The following LOC114841035 variants were observed in gnomAD, a reference collection of about 807,000 sequenced individuals.
chr11:64,242,585 G>C, the LOC114841035 span: 1 of 1,524,954 alleles, frequency 6.6e-7, no homozygotes, highest in African/African-American at 1.4e-5. Context: ...GGCCTTTTGG[G>C]AGTGGGTGGG....
chr11:64,243,153 CAG>C, the LOC114841035 span: 1 of 1,553,960 alleles, frequency 6.4e-7, no homozygotes, highest in South Asian at 1.1e-5. Context: ...GAGGGGGTGT[CAG>C]GGGTGGTCCC....
chr11:64,243,718 C>T, the LOC114841035 span: 2 of 1,387,796 alleles, frequency 1.4e-6, no homozygotes, highest in Non-Finnish European at 2.0e-6. Context: ...GCACCCCCTT[C>T]CCATCTCCAT....
At chr11:64,243,784 C>T in the LOC114841035 span, 16 of 1,601,588 alleles carry the variant, frequency 1.0e-5, no homozygotes, top group Non-Finnish European at 1.4e-5. Context: ...TCTCCCTTTG[C>T]CCACACTGGA....
chr11:64,244,113 A>C, the LOC114841035 span: 1 of 1,462,696 alleles, frequency 6.8e-7, no homozygotes, highest in Non-Finnish European at 9.4e-7. Flanking sequence ...AAACAAACAA[A>C]AAAACACTTA....
the LOC114841035 span, chr11:64,243,448 C>T: frequency 6.2e-7 from 1 of 1,614,010 alleles, no homozygotes; most frequent in Non-Finnish European, 8.5e-7. Context: ...TGTCTTCCTG[C>T]AGGATGTGTG....
At chr11:64,243,168 C>G in the LOC114841035 span, 1 of 1,604,372 alleles carries the variant, frequency 6.2e-7, no homozygotes, top group African/African-American at 1.3e-5. Context: ...GTGGTCCCCT[C>G]TTCCTCACTG....
the LOC114841035 span, chr11:64,242,463 G>A: frequency 6.5e-7 from 1 of 1,548,912 alleles, no homozygotes; most frequent in Non-Finnish European, 8.7e-7. Flanking sequence ...CACGGGGGCC[G>A]AGGGCAAAAG....
the LOC114841035 span, chr11:64,241,114 C>A: frequency 1.3e-5 from 2 of 152,776 alleles, no homozygotes; most frequent in East Asian, 1.9e-4. Context: ...GGGGTTGACT[C>A]CGGGGGCGCG....
the LOC114841035 span, chr11:64,242,351 G>T: frequency 6.8e-7 from 1 of 1,472,996 alleles, no homozygotes; most frequent in Non-Finnish European, 9.0e-7. Context: ...CCTCCCCCAC[G>T]TTCAGTCGGT....
the LOC114841035 span, chr11:64,242,509 A>G: frequency 1.6e-5 from 25 of 1,554,884 alleles, no homozygotes; most frequent in Non-Finnish European, 2.1e-5. Context: ...CGGGTGGACC[A>G]CTGTCCCATC....
At chr11:64,244,076 CTG>C in the LOC114841035 span, 2 of 1,547,424 alleles carry the variant, frequency 1.3e-6, no homozygotes, top group Non-Finnish European at 1.8e-6. Flanking sequence ...AGGGACCAGA[CTG>C]TTCCAAAAAA....
At chr11:64,244,108 A>C in the LOC114841035 span, 8 of 1,488,238 alleles carry the variant, frequency 5.4e-6, no homozygotes, top group South Asian at 1.2e-5. Flanking sequence ...AACAAAAACA[A>C]ACAAAAAAAC....
the LOC114841035 span, chr11:64,241,587 G>T: frequency 1.3e-5 from 2 of 152,720 alleles, no homozygotes; most frequent in Admixed American, 6.5e-5. Flanking sequence ...GTCGAAGGCG[G>T]GGCTGCAGGC....
At chr11:64,241,491 C>T in the LOC114841035 span, among the ~76,000 whole-genome samples, 1 of 145,872 alleles carries the variant, frequency 6.9e-6, no homozygotes, top group Non-Finnish European at 1.5e-5. Flanking sequence ...GGGTCGGAAG[C>T]AGAGGGGGAC....
chr11:64,243,897 T>C, the LOC114841035 span: 3 of 1,613,906 alleles, frequency 1.9e-6, no homozygotes, highest in Non-Finnish European at 2.5e-6. Context: ...TTTTGATACC[T>C]CCCATCACCT....
chr11:64,243,736 C>T, the LOC114841035 span: 9 of 1,490,844 alleles, frequency 6.0e-6, no homozygotes, highest in Admixed American at 1.5e-4. Flanking sequence ...CATTACCCTT[C>T]TCCATTTCTG....
At chr11:64,242,469 A>C in the LOC114841035 span, 1 of 1,550,214 alleles carries the variant, frequency 6.5e-7, no homozygotes, top group Non-Finnish European at 8.7e-7. Context: ...GGCCGAGGGC[A>C]AAAGGAAGCT....
the LOC114841035 span, chr11:64,243,665 C>A: frequency 8.7e-7 from 1 of 1,149,396 alleles, no homozygotes; most frequent in Non-Finnish European, 1.3e-6. Flanking sequence ...ATCATTGAAG[C>A]ACTCAGCTGT....
At chr11:64,242,567 G>T in the LOC114841035 span, 26 of 1,530,482 alleles carry the variant, frequency 1.7e-5, no homozygotes, top group Admixed American at 4.8e-5. Context: ...CGGTGAGTGG[G>T]TTGGGCGGGC....
Sources: allele counts gnomAD v4.1 joint callset (sites outside exome capture counted in the v4.1 genomes callset), GRCh38; gene constraint gnomAD v4.1.1; transcripts MANE v1.5.